Variants in DCAF8L2 observed in about 807,000 individuals in gnomAD.
DCAF8L2 encodes the protein DDB1- and CUL4-associated factor 8-like protein 2.
For missense variants in DCAF8L2, 430 were observed against 490.7 expected (o/e 0.88, Z 1.17); for synonymous variants, 200 against 190.9 (o/e 1.05, Z -0.39).
the DCAF8L2 span, among the ~76,000 whole-genome samples, chrX:27,520,763 G>A: frequency 1.8e-5 from 2 of 111,873 alleles, no homozygotes; most frequent in Non-Finnish European, 3.8e-5. Context: ...GTCAATAGCT[G>A]AATAATACGT....
the DCAF8L2 span, among the ~76,000 whole-genome samples, chrX:27,517,443 T>C: frequency 9.2e-6 from 1 of 108,713 alleles, no homozygotes; most frequent in Admixed American, 9.9e-5. Context: ...TGCATAGAAC[T>C]GAAACCACAC....
chrX:27,742,592 C>CAA (rs1921918623), intron 4 of DCAF8L2, among the ~76,000 whole-genome samples: 3 of 103,425 alleles, frequency 2.9e-5, no homozygotes, highest in African/African-American at 1.1e-4. Context: ...AAAACAAAAA[C>CAA]AAACAAAAAA....
chrX:27,714,225 AT>A (rs1931620589), intron 3 of DCAF8L2, among the ~76,000 whole-genome samples: 1 of 111,988 alleles, frequency 8.9e-6, no homozygotes, highest in East Asian at 2.8e-4. Context: ...ATGCAAAATG[AT>A]TTTTAATGGT....
chrX:27,728,539 C>T lies in DCAF8L2; in HGVS notation c.-59+12368C>T, dbSNP rs150323460. ...CATATGGCTGTAAATAATATGGCCT[C>T]CTGCTACCTGTCAGGCCTCATGTCT... On this transcript the variant is annotated intron_variant, in intron 4 of 4. Coordinates refer to ENST00000451261, the MANE Select transcript of DCAF8L2 (RefSeq NM_001353450.2). 2.3e-3 allele frequency among the ~76,000 whole-genome samples: 255 copies of T among 111,180 alleles called. 1 individual carries two copies. Among genetic ancestry groups the T allele is most frequent in the Admixed American group, 0.019 (196 of 10,370 alleles).
At chrX:27,587,985 A>AAAAAAAAAATAT, upstream of DCAF8L2, among the ~76,000 whole-genome samples, 20 of 22,352 alleles carry the variant, frequency 8.9e-4, no homozygotes, top group Admixed American at 3.1e-3. Context: ...TAAAAAAAAA[A>AAAAAAAAAATAT]ATATATATAT....
the DCAF8L2 span, among the ~76,000 whole-genome samples, chrX:27,512,888 A>G: frequency 1.5e-3 from 164 of 108,385 alleles, no homozygotes; most frequent in African/African-American, 4.9e-3. Context: ...TACTGGCATA[A>G]AAACAGACAC....
At chrX:27,537,170 C>T in the DCAF8L2 span, among the ~76,000 whole-genome samples, 1 of 111,594 alleles carries the variant, frequency 9.0e-6, no homozygotes, top group Non-Finnish European at 1.9e-5. Context: ...ATGTAAAAGT[C>T]AAAACAAAAG....
At chrX:27,512,790 A>ACC in the DCAF8L2 span, among the ~76,000 whole-genome samples, 2 of 92,325 alleles carry the variant, frequency 2.2e-5, no homozygotes. Flanking sequence ...AAAAAAAAAA[A>ACC]AAAAAAAAAA....
At chrX:27,518,844 T>C in the DCAF8L2 span, 1 of 544,242 alleles carries the variant, frequency 1.8e-6, no homozygotes, top group Non-Finnish European at 3.3e-6. Flanking sequence ...TTTATGAGCA[T>C]GATGACAAGT....
chrX:27,698,618 A>G (rs1156262128), intron 3 of DCAF8L2, among the ~76,000 whole-genome samples: 1 of 112,231 alleles, frequency 8.9e-6, no homozygotes, highest in African/African-American at 3.2e-5. Flanking sequence ...ATCATAGACT[A>G]TCTACTTTAA....
chrX:27,669,616 C>G (rs1388144706), intron 2 of DCAF8L2, among the ~76,000 whole-genome samples: 1 of 108,210 alleles, frequency 9.2e-6, no homozygotes, highest in East Asian at 2.9e-4. Context: ...CTAATGCTAT[C>G]CCTCCCCCGC....
the DCAF8L2 span, among the ~76,000 whole-genome samples, chrX:27,582,451 C>T: frequency 9.0e-6 from 1 of 110,619 alleles, no homozygotes; most frequent in Admixed American, 9.7e-5. Context: ...TTCAGTCTTC[C>T]CTTGTTTTTT....
chrX:27,678,878 C>T (rs1930231008), intron 3 of DCAF8L2, among the ~76,000 whole-genome samples: 1 of 111,645 alleles, frequency 9.0e-6, no homozygotes, highest in African/African-American at 3.3e-5. Context: ...GTATGTAGAT[C>T]TGGAGCTCAG....
At chrX:27,536,959 T>C in the DCAF8L2 span, among the ~76,000 whole-genome samples, 1 of 112,214 alleles carries the variant, frequency 8.9e-6, no homozygotes, top group Non-Finnish European at 1.9e-5. Context: ...TAAATACATA[T>C]CAAACTTATG....
intron 1 of DCAF8L2, among the ~76,000 whole-genome samples, chrX:27,602,062 T>C (rs1569156661): frequency 8.9e-6 from 1 of 112,230 alleles, no homozygotes; most frequent in Non-Finnish European, 1.9e-5. Flanking sequence ...GCTTTCTTTT[T>C]TCTTTCTTTC....
At chrX:27,697,868 GAA>G (rs1930984536) in intron 3 of DCAF8L2, among the ~76,000 whole-genome samples, 1 of 109,901 alleles carries the variant, frequency 9.1e-6, no homozygotes, top group Non-Finnish European at 1.9e-5. Context: ...AAGAAAGAGA[GAA>G]AGAAAAAGAA....
At chrX:27,688,510 A>T (rs1930590342) in intron 3 of DCAF8L2, among the ~76,000 whole-genome samples, 1 of 111,980 alleles carries the variant, frequency 8.9e-6, no homozygotes, top group African/African-American at 3.2e-5. Context: ...GACAACTATG[A>T]GTATCAAATA....
the DCAF8L2 span, among the ~76,000 whole-genome samples, chrX:27,545,224 A>G: frequency 9.0e-6 from 1 of 111,429 alleles, no homozygotes; most frequent in Admixed American, 9.6e-5. Context: ...TCCCTGCATC[A>G]ACAAGTCATT....
intron 1 of DCAF8L2, among the ~76,000 whole-genome samples, chrX:27,603,695 A>C (rs768193272): frequency 1.8e-5 from 2 of 112,020 alleles, no homozygotes; most frequent in Non-Finnish European, 3.8e-5. Context: ...GAAGTATTTC[A>C]ACTATATTTC....
Sources: allele counts gnomAD v4.1 joint callset (sites outside exome capture counted in the v4.1 genomes callset), GRCh38; gene constraint gnomAD v4.1.1; transcripts MANE v1.5; gene names NCBI Gene and HGNC (gene_info 2026-07-23, HGNC 2026-07-21).